TMTC2: variants seen among roughly 807,000 people sequenced by gnomAD.
The protein encoded by TMTC2 is transmembrane O-mannosyltransferase targeting cadherins 2.
In TMTC2, 43 loss-of-function variants were observed where a neutral mutation model predicts 82.4. The ratio of observed to expected loss-of-function variants is 0.52; its 90% confidence interval spans 0.41 to 0.67. The LOEUF is 0.67. Among genes scored for constraint, TMTC2 ranks in the 30% least tolerant of loss-of-function variants. The pLI is 0.00. For missense variants in TMTC2, 919 were observed against 1,012.4 expected (o/e 0.91, Z 1.25); for synonymous variants, 408 against 381.9 (o/e 1.07, Z -0.80).
chr12:82,857,156 A>T lies in TMTC2; in HGVS notation c.230A>T (p.His77Leu). 1 of 1,614,122 alleles carries T rather than the reference A, an allele frequency of 6.2e-7. No individual in the cohort carries two copies. Among genetic ancestry groups the T allele is most frequent in the Non-Finnish European group, 8.5e-7 (1 of 1,180,018 alleles). ...PLCTLSFRLN[H>L]AIGGLNPWSY... ...TGCACTCTTTCTTTTCGCCTGAACC[A>T]TGCCATTGGAGGGTTGAATCCCTGG... Residue 77 changes from histidine to leucine, a missense_variant, in exon 2 of 12, where the codon CAT becomes CTT. Physicochemically the swap from His to Leu is moderately conservative, Grantham distance 99. Coordinates refer to ENST00000321196, the MANE Select transcript of TMTC2 (RefSeq NM_152588.3).
At chr12:82,887,426 T>C (rs1371583736) in intron 2 of TMTC2, among the ~76,000 whole-genome samples, 1 of 152,228 alleles carries the variant, frequency 6.6e-6, no homozygotes, top group African/African-American at 2.4e-5. Flanking sequence ...AGGGCTTCTG[T>C]AGAGGTATCA....
At chr12:82,837,085 A>G (rs1310166480) in intron 1 of TMTC2, among the ~76,000 whole-genome samples, 1 of 152,238 alleles carries the variant, frequency 6.6e-6, no homozygotes, top group Non-Finnish European at 1.5e-5. Context: ...TCAGAATGAC[A>G]TTTTGACAAA....
chr12:82,754,904 A>T (rs1357108191), intron 1 of TMTC2, among the ~76,000 whole-genome samples: 1 of 152,210 alleles, frequency 6.6e-6, no homozygotes, highest in African/African-American at 2.4e-5. Context: ...TTGTGAACAG[A>T]AATGTTTGAG....
intron 1 of TMTC2, among the ~76,000 whole-genome samples, chr12:82,713,078 G>A (rs556242969): frequency 2.8e-4 from 42 of 152,172 alleles, no homozygotes; most frequent in African/African-American, 9.9e-4. Flanking sequence ...CCAGCACTTT[G>A]GGAGGCCAAG....
chr12:82,851,490 A>G (rs1870974166), intron 1 of TMTC2, among the ~76,000 whole-genome samples: 1 of 152,160 alleles, frequency 6.6e-6, no homozygotes, highest in Admixed American at 6.5e-5. Context: ...GTAATCATTT[A>G]CTCTTCACAA....
intron 11 of TMTC2, among the ~76,000 whole-genome samples, chr12:83,086,212 G>T (rs1353751362): frequency 1.3e-5 from 2 of 151,662 alleles, no homozygotes; most frequent in African/African-American, 4.8e-5. Context: ...CAGACAGTGG[G>T]GCGGCCAGGC....
At chr12:82,833,980 A>G (rs1040109802) in intron 1 of TMTC2, among the ~76,000 whole-genome samples, 1 of 152,204 alleles carries the variant, frequency 6.6e-6, no homozygotes. Flanking sequence ...AAACTTGTGG[A>G]CTTTGGTAAT....
chr12:82,786,562 T>C (rs1196632756), intron 1 of TMTC2, among the ~76,000 whole-genome samples: 1 of 152,130 alleles, frequency 6.6e-6, no homozygotes, highest in Admixed American at 6.5e-5. Flanking sequence ...TGATTAAATT[T>C]GGGGTAAAAA....
intron 8 of TMTC2, among the ~76,000 whole-genome samples, chr12:83,025,260 G>A (rs143262429): frequency 6.6e-6 from 1 of 151,854 alleles, no homozygotes; most frequent in Non-Finnish European, 1.5e-5. Flanking sequence ...ACTGGTTATT[G>A]TATTTATGGA....
At chr12:82,904,806 C>A (rs1170852051) in intron 3 of TMTC2, among the ~76,000 whole-genome samples, 1 of 152,128 alleles carries the variant, frequency 6.6e-6, no homozygotes, top group South Asian at 2.1e-4. Context: ...CTGTGGCCTC[C>A]TCTAAATCCC....
At chr12:83,036,287 G>A (rs930784276) in intron 9 of TMTC2, among the ~76,000 whole-genome samples, 1 of 152,054 alleles carries the variant, frequency 6.6e-6, no homozygotes, top group East Asian at 1.9e-4. Context: ...GACACAAATT[G>A]TAAAAATAGT....
chr12:83,109,329 A>G (rs2137543872), intron 11 of TMTC2, among the ~76,000 whole-genome samples: 1 of 152,270 alleles, frequency 6.6e-6, no homozygotes, highest in East Asian at 1.9e-4. Flanking sequence ...CTATTTTGAC[A>G]GAGTACCATG....
intron 1 of TMTC2, among the ~76,000 whole-genome samples, chr12:82,774,719 T>TG (rs1877497506): frequency 6.6e-6 from 1 of 151,182 alleles, no homozygotes; most frequent in African/African-American, 2.4e-5. Context: ...CTTAGATGCC[T>TG]GCCATGCCTT....
intron 7 of TMTC2, among the ~76,000 whole-genome samples, chr12:82,976,946 T>G (rs1592669750): frequency 6.6e-6 from 1 of 152,202 alleles, no homozygotes; most frequent in Middle Eastern, 3.4e-3. Flanking sequence ...ATTTGTCAGC[T>G]ATTTATCGAG....
chr12:83,035,372 C>A (rs1259540922), intron 9 of TMTC2, among the ~76,000 whole-genome samples: 1 of 152,078 alleles, frequency 6.6e-6, no homozygotes, highest in African/African-American at 2.4e-5. Context: ...ACAGTTAGTT[C>A]AGTCAGTTGG....
intron 11 of TMTC2, among the ~76,000 whole-genome samples, chr12:83,121,092 C>T (rs569848344): frequency 1.3e-5 from 2 of 152,148 alleles, no homozygotes; most frequent in South Asian, 2.1e-4. Flanking sequence ...CTTTGGGCTT[C>T]GTTTTTTCTG....
At chr12:82,944,746 G>T (rs2137268161) in intron 4 of TMTC2, among the ~76,000 whole-genome samples, 1 of 152,038 alleles carries the variant, frequency 6.6e-6, no homozygotes, top group East Asian at 1.9e-4. Context: ...GGACTTTTTT[G>T]TGTCCCCATG....
intron 8 of TMTC2, among the ~76,000 whole-genome samples, chr12:82,994,368 T>A (rs1879525269): frequency 6.6e-6 from 1 of 152,076 alleles, no homozygotes; most frequent in Non-Finnish European, 1.5e-5. Flanking sequence ...TGGTCTCAAG[T>A]CATCTGCCCA....
chr12:83,049,809 A>G (rs375497282), intron 9 of TMTC2, among the ~76,000 whole-genome samples: 1 of 152,158 alleles, frequency 6.6e-6, no homozygotes, highest in Non-Finnish European at 1.5e-5. Context: ...TTTCTCTGCA[A>G]CCTTGCCAGC....
Sources: allele counts gnomAD v4.1 joint callset (sites outside exome capture counted in the v4.1 genomes callset), GRCh38; gene constraint gnomAD v4.1.1; transcripts MANE v1.5; gene names NCBI Gene and HGNC (gene_info 2026-07-23, HGNC 2026-07-21).